The following ADISSP variants were observed in gnomAD, a reference collection of about 807,000 sequenced individuals.
ADISSP encodes the protein adipose secreted signaling protein.
chr20:3,762,283 A>G, the ADISSP span, among the ~76,000 whole-genome samples: 1 of 152,250 alleles, frequency 6.6e-6, no homozygotes, highest in African/African-American at 2.4e-5. Flanking sequence ...AGAAAAAAAA[A>G]AAAGAAAGAA....
At chr20:3,760,332 G>A in the ADISSP span, 1 of 525,128 alleles carries the variant, frequency 1.9e-6, no homozygotes, top group Non-Finnish European at 3.4e-6. Context: ...CTAGCACGGG[G>A]GCTTCTGCCC....
chr20:3,757,824 C>T, the ADISSP span, among the ~76,000 whole-genome samples: 66 of 152,128 alleles, frequency 4.3e-4, no homozygotes, highest in East Asian at 5.8e-3. Context: ...AGACGGGTTT[C>T]GACCCATTGG....
At chr20:3,754,012 G>A in the ADISSP span, 2 of 1,411,898 alleles carry the variant, frequency 1.4e-6, no homozygotes, top group Admixed American at 1.7e-5. Flanking sequence ...GGGGGACAAG[G>A]CGGGGTTTAA....
chr20:3,755,587 C>T, the ADISSP span: 2 of 1,599,644 alleles, frequency 1.3e-6, no homozygotes, highest in East Asian at 2.2e-5. Context: ...CATACCTGTG[C>T]AGGATCTTCA....
the ADISSP span, chr20:3,758,686 G>T: frequency 2.5e-6 from 4 of 1,613,752 alleles, no homozygotes; most frequent in Non-Finnish European, 3.4e-6. This position sits in a 1 kb window ranked among gnomAD's most constrained non-coding sequence, Gnocchi z 5.5. Flanking sequence ...TGCCTAGGAA[G>T]AGTGGGAGAG....
At chr20:3,754,417 G>A in the ADISSP span, 121 of 1,613,860 alleles carry the variant, frequency 7.5e-5, no homozygotes, top group African/African-American at 1.1e-3. Context: ...GGCCTGCACC[G>A]TCACGCGCAC....
At chr20:3,754,445 C>G in the ADISSP span, 2 of 1,614,014 alleles carry the variant, frequency 1.2e-6, no homozygotes. Flanking sequence ...CCAGTGCCAC[C>G]TTCGCAGGCT....
chr20:3,763,075 G>A, the ADISSP span, among the ~76,000 whole-genome samples: 9 of 152,032 alleles, frequency 5.9e-5, no homozygotes, highest in African/African-American at 2.2e-4. Flanking sequence ...GGCCAACATG[G>A]CGAAACCCCA....
chr20:3,754,816 C>T, the ADISSP span, among the ~76,000 whole-genome samples: 1 of 152,194 alleles, frequency 6.6e-6, no homozygotes, highest in Non-Finnish European at 1.5e-5. Flanking sequence ...GAAGGTCTGG[C>T]TGTTTTCTCC....
At chr20:3,753,738 G>C in the ADISSP span, 1 of 426,626 alleles carries the variant, frequency 2.3e-6, no homozygotes, top group East Asian at 4.7e-5. Context: ...CCTGGTGGGA[G>C]TCCCTGTGGC....
chr20:3,757,068 A>G, the ADISSP span, among the ~76,000 whole-genome samples: 2 of 142,812 alleles, frequency 1.4e-5, no homozygotes, highest in South Asian at 2.2e-4. Flanking sequence ...AAGCTGGAAT[A>G]AGCCAGGTGT....
chr20:3,761,635 C>G, the ADISSP span, among the ~76,000 whole-genome samples: 18 of 152,138 alleles, frequency 1.2e-4, no homozygotes, highest in African/African-American at 4.3e-4. Flanking sequence ...CATGCCTGGC[C>G]GAGGACCTGG....
At chr20:3,766,471 G>A in the ADISSP span, among the ~76,000 whole-genome samples, 7 of 152,068 alleles carry the variant, frequency 4.6e-5, no homozygotes, top group African/African-American at 1.4e-4. Context: ...GGGGAATATG[G>A]AGAAGGGACC....
chr20:3,755,548 G>C, the ADISSP span: 1 of 1,613,242 alleles, frequency 6.2e-7, no homozygotes. Flanking sequence ...TGCTCAGCCT[G>C]TGCACTGGGG....
At chr20:3,756,913 C>G in the ADISSP span, among the ~76,000 whole-genome samples, 1 of 152,150 alleles carries the variant, frequency 6.6e-6, no homozygotes, top group Non-Finnish European at 1.5e-5. Flanking sequence ...AGGTAGGAGA[C>G]AGTTCACAAC....
At chr20:3,760,142 C>T in the ADISSP span, 2 of 1,522,478 alleles carry the variant, frequency 1.3e-6, no homozygotes, top group Non-Finnish European at 1.8e-6. Context: ...GACACCGCCA[C>T]TCACGCTCAG....
chr20:3,754,504 C>T, the ADISSP span: 2 of 1,613,784 alleles, frequency 1.2e-6, no homozygotes, highest in Non-Finnish European at 1.7e-6. Flanking sequence ...CGAGTACTCA[C>T]ACTTGACACT....
the ADISSP span, among the ~76,000 whole-genome samples, chr20:3,761,071 T>G: frequency 1.3e-5 from 2 of 152,202 alleles, no homozygotes; most frequent in Non-Finnish European, 2.9e-5. Flanking sequence ...AGCTGAGGAT[T>G]AAAGAGGAAG....
the ADISSP span, chr20:3,754,404 G>A: frequency 1.7e-4 from 267 of 1,613,060 alleles, no homozygotes; most frequent in African/African-American, 2.6e-3. Context: ...CACCCATGAC[G>A]CGGGCCTGCA....
Sources: gnomAD v4.1 joint callset for allele counts (sites outside exome capture counted in the v4.1 genomes callset) on GRCh38, gnomAD v4.1.1 for gene constraint, Gnocchi (gnomAD v3.1) non-coding constraint, MANE v1.5 for transcripts, NCBI Gene and HGNC (gene_info 2026-07-23, HGNC 2026-07-21) for gene names.